The following TSHZ1 variants were observed in gnomAD, a reference collection of about 807,000 sequenced individuals.
TSHZ1 encodes teashirt zinc finger homeobox 1.
TSHZ1 carries 12 observed loss-of-function variants against 67.1 expected under a neutral mutation model. That is an observed-to-expected ratio of 0.18 (90% CI 0.11 to 0.29). The LOEUF is 0.29. Ranked by LOEUF, TSHZ1 falls within the 10% of genes least tolerant of loss-of-function variation. The pLI, the probability that TSHZ1 is intolerant of heterozygous loss-of-function variation, is 1.00. For missense variants in TSHZ1, 1,305 were observed against 1,413.9 expected (o/e 0.92, Z 1.23); for synonymous variants, 632 against 622.4 (o/e 1.02, Z -0.23).
At chr18:75,261,579 A>C (rs531076727) in intron 1 of TSHZ1, among the ~76,000 whole-genome samples, 2 of 152,234 alleles carry the variant, frequency 1.3e-5, no homozygotes, top group Non-Finnish European at 2.9e-5. Flanking sequence ...TGACATGTGC[A>C]CAGCCTGTGA....
chr18:75,285,658 A>C lies in TSHZ1; in HGVS notation c.251A>C (p.Gln84Pro). Residue 84 changes from glutamine to proline, a missense_variant, in exon 2 of 2, where the codon CAG becomes CCG. Physicochemically the swap from Gln to Pro is moderately conservative, Grantham distance 76. Transcript: ENST00000580243. Reference protein sequence around the residue: ...YGSPFSESSDQLAHFKGSSSR... With the variant: ...YGSPFSESSDPLAHFKGSSSR... Reference sequence around the variant, plus strand: ...TCGCCCTTCAGTGAGAGCAGCGACCAGCTAGCCCATTTCAAAGGCTCTTCC... The same window carrying C: ...TCGCCCTTCAGTGAGAGCAGCGACCCGCTAGCCCATTTCAAAGGCTCTTCC... 6.2e-7 allele frequency: 1 copy of C among 1,614,080 alleles called. No homozygotes were observed. The highest frequency in any genetic ancestry group is 8.5e-7 in the Non-Finnish European group (1 of 1,180,012).
intron 1 of TSHZ1, among the ~76,000 whole-genome samples, chr18:75,233,374 C>T (rs566330880): frequency 3.5e-4 from 54 of 152,300 alleles, no homozygotes; most frequent in African/African-American, 1.2e-3. Flanking sequence ...CCCCTAACAA[C>T]GTTCCAGGAT....
At chr18:75,241,922 T>C (rs2122552134) in intron 1 of TSHZ1, among the ~76,000 whole-genome samples, 1 of 148,108 alleles carries the variant, frequency 6.8e-6, no homozygotes, top group Non-Finnish European at 1.5e-5. Context: ...CACCAGTCTT[T>C]GGACTTAGGA....
chr18:75,279,230 T>C (rs2023655562), intron 1 of TSHZ1, among the ~76,000 whole-genome samples: 1 of 152,190 alleles, frequency 6.6e-6, no homozygotes, highest in South Asian at 2.1e-4. Context: ...TGAAGGTTTA[T>C]GCTTCCTCGC....
intron 1 of TSHZ1, among the ~76,000 whole-genome samples, chr18:75,226,571 CTTTT>C (rs34040466): frequency 6.4e-5 from 9 of 141,298 alleles, no homozygotes; most frequent in Non-Finnish European, 1.1e-4. Flanking sequence ...TGTTTTTCAA[CTTTT>C]TTTTTTTTTT....
intron 1 of TSHZ1, among the ~76,000 whole-genome samples, chr18:75,261,055 C>G (rs1400898433): frequency 6.6e-6 from 1 of 151,952 alleles, no homozygotes. Context: ...ATCACTTCCG[C>G]TCACGTTTCA....
At chr18:75,262,407 A>G (rs921152768) in intron 1 of TSHZ1, among the ~76,000 whole-genome samples, 4 of 152,216 alleles carry the variant, frequency 2.6e-5, no homozygotes, top group African/African-American at 4.8e-5. Context: ...TTCAACAAAT[A>G]TTCACCAAGT....
chr18:75,237,342 C>T (rs866914930), intron 1 of TSHZ1, among the ~76,000 whole-genome samples: 78 of 151,988 alleles, frequency 5.1e-4, no homozygotes, highest in African/African-American at 1.7e-3. Context: ...GGCAACATGG[C>T]GAAACCCCAT....
intron 1 of TSHZ1, among the ~76,000 whole-genome samples, chr18:75,258,132 G>A (rs763570192): frequency 4.6e-5 from 7 of 152,168 alleles, no homozygotes; most frequent in Non-Finnish European, 7.3e-5. Context: ...TGTCTGCAGC[G>A]TCACTGCAGT....
intron 1 of TSHZ1, among the ~76,000 whole-genome samples, chr18:75,264,013 G>A (rs989622576): frequency 1.3e-5 from 2 of 152,206 alleles, no homozygotes; most frequent in East Asian, 3.8e-4. Flanking sequence ...TCAAGGAGCT[G>A]AAGCTGATGC....
chr18:75,278,232 C>CTG (rs141568997), intron 1 of TSHZ1, among the ~76,000 whole-genome samples: 1,412 of 138,570 alleles, frequency 0.01, 20 homozygotes, highest in African/African-American at 0.036. Context: ...GTGGACCTTG[C>CTG]TGTGTGTGAC....
chr18:75,260,794 C>G (rs1465532338), intron 1 of TSHZ1, among the ~76,000 whole-genome samples: 1 of 152,148 alleles, frequency 6.6e-6, no homozygotes, highest in Non-Finnish European at 1.5e-5. Flanking sequence ...AGGCATCAGA[C>G]CCAAGCTTAT....
In TSHZ1 at chr18:75,286,721, C is replaced by A. The variant is rs73484103; in HGVS notation, c.1314C>A (p.Thr438=). ...LQQLTAHMMV[T]GHFLKVTTSA... ...AGCTCACCGCCCACATGATGGTCAC[C>A]GGGCACTTCCTGAAAGTGACCACCT... The change falls in exon 2 of 2, where the codon ACC becomes ACA. Residue 438 remains threonine (T), a synonymous_variant. Transcript: ENST00000580243. The surrounding 1 kb of genome is among the most constrained non-coding windows in gnomAD (Gnocchi z 5.1). 6.2e-7 allele frequency: 1 copy of A among 1,613,692 alleles called. No homozygotes were observed. The highest frequency in any genetic ancestry group is 1.7e-5 in the Admixed American group (1 of 60,008).
At chr18:75,216,458 G>T (rs1295920657) in intron 1 of TSHZ1, among the ~76,000 whole-genome samples, 1 of 152,124 alleles carries the variant, frequency 6.6e-6, no homozygotes, top group Non-Finnish European at 1.5e-5. Context: ...GGAAGTTAGA[G>T]ATTTTATGTT....
chr18:75,229,657 A>G (rs1309187269), intron 1 of TSHZ1, among the ~76,000 whole-genome samples: 1 of 152,232 alleles, frequency 6.6e-6, no homozygotes, highest in African/African-American at 2.4e-5. Context: ...AGTCTGTGAC[A>G]TGCGGTCTAT....
Position 75,227,646 on chromosome 18 carries a change from A to G in TSHZ1, c.40+15730A>G, listed in dbSNP as rs141055236. Among the ~76,000 whole-genome samples, 459 of 152,346 alleles carry G rather than the reference A, an allele frequency of 3.0e-3. 3 individuals carry two copies. Among genetic ancestry groups the G allele is most frequent in the African/African-American group, 0.01 (434 of 41,588 alleles). ...TGTGAGAAAAGTTATTGTTTCTCTC[A>G]TCCCCACCCCTTTGTACTTCGTACA... On this transcript the variant is annotated intron_variant, in intron 1 of 1. Transcript: ENST00000580243.
chr18:75,240,996 G>T (rs932607126), intron 1 of TSHZ1, among the ~76,000 whole-genome samples: 1 of 152,178 alleles, frequency 6.6e-6, no homozygotes, highest in African/African-American at 2.4e-5. Flanking sequence ...GGGCTCTAGG[G>T]GCTCCTGCTG....
At chr18:75,220,087 G>A (rs1009643023) in intron 1 of TSHZ1, among the ~76,000 whole-genome samples, 1 of 152,200 alleles carries the variant, frequency 6.6e-6, no homozygotes, top group Non-Finnish European at 1.5e-5. Flanking sequence ...TTAAAATCCA[G>A]TGTTAATATT....
At chr18:75,265,964 C>T (rs1044538864) in intron 1 of TSHZ1, among the ~76,000 whole-genome samples, 1 of 152,186 alleles carries the variant, frequency 6.6e-6, no homozygotes, top group Non-Finnish European at 1.5e-5. Flanking sequence ...TGGAAAGAAC[C>T]GAGCCTTCTA....
Sources: gnomAD v4.1 joint callset for allele counts (sites outside exome capture counted in the v4.1 genomes callset) on GRCh38, gnomAD v4.1.1 for gene constraint, Gnocchi (gnomAD v3.1) non-coding constraint, MANE v1.5 for transcripts, NCBI Gene and HGNC (gene_info 2026-07-23, HGNC 2026-07-21) for gene names.